The following PCBP3 variants were observed in gnomAD, a reference collection of about 807,000 sequenced individuals.
The protein encoded by PCBP3 is poly(rC)-binding protein 3.
Under a neutral mutation model 52.7 loss-of-function variants are expected in PCBP3, and 25 were observed. The observed-to-expected ratio is 0.47, with a 90% CI of 0.35 to 0.66. PCBP3 has a LOEUF of 0.66. PCBP3 is among the 30% of genes least tolerant of loss of function. PCBP3 has a pLI of 0.01. For synonymous variants in PCBP3, 162 were observed against 183.0 expected (o/e 0.89, Z 0.93); for missense variants, 391 against 490.3 (o/e 0.80, Z 1.91).
chr21:45,801,703 T>C (rs1469712658), intron 4 of PCBP3, among the ~76,000 whole-genome samples: 2 of 152,384 alleles, frequency 1.3e-5, no homozygotes, highest in East Asian at 3.9e-4. Context: ...TTTCTGCCTT[T>C]AGCTGCAGTA....
chr21:45,669,330 C>T (rs1338572629), intron 2 of PCBP3, among the ~76,000 whole-genome samples: 1 of 152,026 alleles, frequency 6.6e-6, no homozygotes, highest in Non-Finnish European at 1.5e-5. Flanking sequence ...TATAACTTTT[C>T]AGTTTTAGAT....
chr21:45,924,269 G>T (rs2074997162), intron 13 of PCBP3, among the ~76,000 whole-genome samples: 1 of 148,718 alleles, frequency 6.7e-6, no homozygotes, highest in Non-Finnish European at 1.5e-5. Flanking sequence ...GCACACGTAA[G>T]ATCGGGTGTG....
At position 45,800,279 on chromosome 21, in the gene PCBP3, C is replaced by T. The variant is rs995933047; in HGVS notation, c.-126+44827C>T. ...CTGGCAGATCCACCCACAGAGACAG[C>T]AGGTCCAGGTCAGGGCTACCCCTCG... On this transcript the variant is annotated intron_variant, in intron 4 of 17. Transcript: ENST00000681687. This position sits in a 1 kb window ranked among gnomAD's most constrained non-coding sequence, Gnocchi z 5.3. 2.6e-5 allele frequency among the ~76,000 whole-genome samples: 4 copies of T among 152,196 alleles called. No individual in the cohort carries two copies. Among genetic ancestry groups the T allele is most frequent in the Admixed American group, 6.5e-5 (1 of 15,284 alleles).
intron 4 of PCBP3, among the ~76,000 whole-genome samples, chr21:45,784,778 G>C (rs992143865): frequency 4.1e-4 from 62 of 152,216 alleles, no homozygotes; most frequent in African/African-American, 1.5e-3. Context: ...TGGTGCCCGG[G>C]CTGGAGTGCA....
intron 4 of PCBP3, among the ~76,000 whole-genome samples, chr21:45,804,826 A>T (rs2092437437): frequency 6.6e-6 from 1 of 151,826 alleles, no homozygotes; most frequent in Non-Finnish European, 1.5e-5. Flanking sequence ...CACAAGCAGG[A>T]GGGGTGGGAA....
At chr21:45,697,896 G>A (rs1488158063) in intron 2 of PCBP3, among the ~76,000 whole-genome samples, 1 of 152,052 alleles carries the variant, frequency 6.6e-6, no homozygotes, top group Non-Finnish European at 1.5e-5. Flanking sequence ...CTTCTCCTCT[G>A]TTGTGTGAGC....
intron 4 of PCBP3, among the ~76,000 whole-genome samples, chr21:45,847,012 G>A (rs1254889309): frequency 6.6e-6 from 1 of 152,184 alleles, no homozygotes; most frequent in African/African-American, 2.4e-5. Flanking sequence ...AGTCCCAACT[G>A]CCACATAACT....
At chr21:45,933,939 C>T (rs760667822) in intron 15 of PCBP3, among the ~76,000 whole-genome samples, 18 of 152,094 alleles carry the variant, frequency 1.2e-4, no homozygotes, top group Non-Finnish European at 1.9e-4. Flanking sequence ...GGAACAGGAG[C>T]TGTGTGGCTT....
At chr21:45,756,955 T>G (rs1015551101) in intron 4 of PCBP3, among the ~76,000 whole-genome samples, 15 of 152,242 alleles carry the variant, frequency 9.9e-5, no homozygotes, top group Admixed American at 7.2e-4. Context: ...TTGTTTACAC[T>G]TTTTGGCTAT....
intron 3 of PCBP3, among the ~76,000 whole-genome samples, chr21:45,742,653 TA>T (rs1293332073): frequency 2.0e-5 from 3 of 152,338 alleles, no homozygotes; most frequent in Admixed American, 6.5e-5. Flanking sequence ...AGATCTAAGT[TA>T]TTTTTTCTTA....
intron 2 of PCBP3, among the ~76,000 whole-genome samples, chr21:45,689,485 T>C (rs2082338976): frequency 1.3e-5 from 2 of 152,080 alleles, no homozygotes; most frequent in African/African-American, 4.8e-5. Context: ...TTATACTTCA[T>C]GGCGAATGAC....
intron 5 of PCBP3, among the ~76,000 whole-genome samples, chr21:45,867,924 G>A (rs377746996): frequency 2.6e-5 from 4 of 152,272 alleles, no homozygotes; most frequent in Non-Finnish European, 5.9e-5. Context: ...CACACACAGC[G>A]GGGAAGAGTC....
At chr21:45,794,314 G>T (rs994711726) in intron 4 of PCBP3, among the ~76,000 whole-genome samples, 1 of 152,200 alleles carries the variant, frequency 6.6e-6, no homozygotes, top group Non-Finnish European at 1.5e-5. Flanking sequence ...TACTCCAGAG[G>T]CTGAGGTGGG....
At chr21:45,933,267 T>C (rs749593191) in intron 15 of PCBP3, among the ~76,000 whole-genome samples, 16 of 152,338 alleles carry the variant, frequency 1.1e-4, no homozygotes, top group Non-Finnish European at 1.8e-4. Flanking sequence ...ACATCAGCCA[T>C]GCTCTCCTGA....
chr21:45,844,440 A>G (rs1603449400), intron 4 of PCBP3, among the ~76,000 whole-genome samples: 1 of 151,960 alleles, frequency 6.6e-6, no homozygotes, highest in Admixed American at 6.6e-5. Context: ...CTGGGGTCAC[A>G]TTCTCCACCC....
intron 5 of PCBP3, among the ~76,000 whole-genome samples, chr21:45,850,612 T>C (rs2093958105): frequency 6.6e-6 from 1 of 152,230 alleles, no homozygotes; most frequent in South Asian, 2.1e-4. Context: ...AGCAGTTGTG[T>C]TTGGAGCTTT....
intron 2 of PCBP3, among the ~76,000 whole-genome samples, chr21:45,713,285 G>T (rs927163802): frequency 3.3e-5 from 5 of 152,048 alleles, no homozygotes; most frequent in African/African-American, 7.2e-5. Context: ...AGATCTTCTC[G>T]CATTGGCTTG....
Position 45,914,433 on chromosome 21 carries a change from G to A in PCBP3, c.675+408G>A, listed in dbSNP as rs8126689. 307 of 397,822 alleles carry A rather than the reference G, an allele frequency of 7.7e-4. 1 individual carries two copies. The highest frequency in any genetic ancestry group is 6.0e-3 in the African/African-American group (287 of 48,210). 24.6% of individuals were successfully genotyped at this position (397,822 alleles called of 1,614,324 possible). ...TGACATCCGTGTTCCCAAACTCCCAGGATGTGCTTGTAGCAGGGACGTGCG... is the reference window on the plus strand; with the variant it reads ...TGACATCCGTGTTCCCAAACTCCCAAGATGTGCTTGTAGCAGGGACGTGCG... On this transcript the variant is annotated intron_variant, in intron 12 of 17. Coordinates refer to ENST00000681687, the MANE Select transcript of PCBP3 (RefSeq NM_001384156.1).
At chr21:45,763,847 C>T (rs970186277) in intron 4 of PCBP3, 2 of 152,392 alleles carry the variant, frequency 1.3e-5, no homozygotes, top group African/African-American at 4.8e-5. Context: ...TCATGGCACT[C>T]CCTCCCTTTG....
Sources: allele counts gnomAD v4.1 joint callset (sites outside exome capture counted in the v4.1 genomes callset), GRCh38; gene constraint gnomAD v4.1.1; non-coding constraint Gnocchi (gnomAD v3.1); transcripts MANE v1.5; gene names NCBI Gene and HGNC (gene_info 2026-07-23, HGNC 2026-07-21).